Variants in NAV3 observed in about 807,000 individuals in gnomAD.
NAV3 encodes the protein pore membrane and/or filament interacting like protein 1.
NAV3 carries 87 observed loss-of-function variants against 244.7 expected under a neutral mutation model. That is an observed-to-expected ratio of 0.36 (90% CI 0.30 to 0.42). The LOEUF (loss-of-function observed/expected upper bound fraction) is 0.42, where lower values mean the gene tolerates loss of function less well. Ranked by LOEUF, NAV3 falls within the 20% of genes least tolerant of loss-of-function variation. NAV3 has a pLI of 1.00. For missense variants in NAV3, 2,663 were observed against 2,893.3 expected (o/e 0.92, Z 1.83); for synonymous variants, 1,126 against 1,042.2 (o/e 1.08, Z -1.55).
At chr12:77,645,547 A>AC (rs1202067845) in intron 2 of NAV3, among the ~76,000 whole-genome samples, 14 of 151,264 alleles carry the variant, frequency 9.3e-5, no homozygotes, top group Non-Finnish European at 1.8e-4. Context: ...AAAAAAAAAA[A>AC]AAAAAAAAAA....
chr12:77,845,631 T>G (rs1276873060), intron 1 of NAV3, among the ~76,000 whole-genome samples: 2 of 151,842 alleles, frequency 1.3e-5, no homozygotes, highest in Admixed American at 6.6e-5. Flanking sequence ...ATATTTTCAT[T>G]AAGTTTGATT....
chr12:77,736,722 A>G (rs1311152513), intron 2 of NAV3, among the ~76,000 whole-genome samples: 1 of 152,234 alleles, frequency 6.6e-6, no homozygotes, highest in Non-Finnish European at 1.5e-5. Context: ...TCACTGGAGG[A>G]TGCCAAAGAA....
At chr12:78,086,555 T>C (rs183617347) in intron 12 of NAV3, among the ~76,000 whole-genome samples, 1 of 152,196 alleles carries the variant, frequency 6.6e-6, no homozygotes, top group Admixed American at 6.5e-5. Flanking sequence ...TATGAGAGTC[T>C]TGTTGGACAA....
chr12:78,038,772 G>A (rs1020672612), intron 9 of NAV3, among the ~76,000 whole-genome samples: 39 of 152,140 alleles, frequency 2.6e-4, no homozygotes, highest in Admixed American at 3.3e-4. Flanking sequence ...TGTAGAATCA[G>A]ATAATATTCC....
In NAV3 at chr12:77,639,938, G is replaced by T. The variant is rs1872331471; in HGVS notation, c.72+67672G>T. On this transcript the variant is annotated intron_variant, in intron 2 of 8. Transcript: ENST00000550042. ...CATTCAGCCTGAGCTGTCAAAAGGG[G>T]GGCACTAGTTTTAGAGAAGAGTTTA... Among the ~76,000 whole-genome samples the T allele has an allele frequency of 2.6e-5, 4 of 152,240 alleles. No homozygotes were observed. In the South Asian group the frequency reaches 8.3e-4, roughly 32 times the overall value.
chr12:78,119,442 T>C lies in NAV3; in HGVS notation c.3246T>C (p.Ser1082=), dbSNP rs1955569753. 4 of 1,614,168 alleles carry C rather than the reference T, an allele frequency of 2.5e-6. No individual in the cohort carries two copies. Among genetic ancestry groups the C allele is most frequent in the Non-Finnish European group, 3.4e-6 (4 of 1,180,022 alleles). Residue 1082 remains serine (S), a synonymous_variant, in exon 15 of 40, where the codon AGT becomes AGC. Transcript: ENST00000397909. ...GVGSSAMITS[S]GATITSGSAT... Reference sequence around the variant, plus strand: ...GGTCATCTGCCATGATCACCAGCAGTGGAGCAACCATAACAAGTGGCTCTG... The same window carrying C: ...GGTCATCTGCCATGATCACCAGCAGCGGAGCAACCATAACAAGTGGCTCTG...
intron 12 of NAV3, among the ~76,000 whole-genome samples, chr12:78,109,345 A>C (rs992827582): frequency 6.6e-6 from 1 of 152,152 alleles, no homozygotes; most frequent in South Asian, 2.1e-4. Flanking sequence ...CTTTGGACCA[A>C]ATAGCATCAC....
intron 5 of NAV3, among the ~76,000 whole-genome samples, chr12:77,983,105 G>T (rs1869862024): frequency 6.6e-6 from 1 of 152,192 alleles, no homozygotes; most frequent in Admixed American, 6.5e-5. Context: ...TGTGGAAGTT[G>T]TGAACTCTAT....
chr12:78,061,470 A>G (rs1413793465), intron 12 of NAV3, among the ~76,000 whole-genome samples: 3 of 152,172 alleles, frequency 2.0e-5, no homozygotes, highest in Non-Finnish European at 4.4e-5. Context: ...TGAGAATTAT[A>G]TAAGTCATTT....
At chr12:78,138,780 A>G (rs978796316) in intron 19 of NAV3, among the ~76,000 whole-genome samples, 1 of 152,222 alleles carries the variant, frequency 6.6e-6, no homozygotes, top group Non-Finnish European at 1.5e-5. Context: ...CCTTCAATGT[A>G]TCAGGATTAA....
chr12:77,780,218 G>A (rs1468255728), intron 2 of NAV3, among the ~76,000 whole-genome samples: 1 of 152,050 alleles, frequency 6.6e-6, no homozygotes, highest in Non-Finnish European at 1.5e-5. Context: ...ACTCTCCCTG[G>A]TCTTAATCAA....
intron 1 of NAV3, among the ~76,000 whole-genome samples, chr12:77,920,656 A>G (rs548120441): frequency 7.2e-5 from 11 of 152,180 alleles, no homozygotes; most frequent in Non-Finnish European, 1.6e-4. Flanking sequence ...TTTAGGTACA[A>G]TACTCAAACA....
chr12:77,995,762 A>G (rs1227205688), intron 6 of NAV3, among the ~76,000 whole-genome samples: 2 of 152,172 alleles, frequency 1.3e-5, no homozygotes, highest in African/African-American at 4.8e-5. Context: ...CAAATTTTAA[A>G]AGGTATTTAA....
intron 29 of NAV3, 23 bp downstream of exon 29, chr12:78,179,705 G>T: frequency 1.3e-6 from 2 of 1,582,730 alleles, no homozygotes; most frequent in Admixed American, 1.9e-5. Flanking sequence ...GCACTTTCAA[G>T]GAATAAAATG....
intron 34 of NAV3, among the ~76,000 whole-genome samples, chr12:78,191,510 A>G (rs898845461): frequency 1.3e-5 from 2 of 152,176 alleles, no homozygotes; most frequent in Admixed American, 6.6e-5. Flanking sequence ...TTCAAAAACA[A>G]CGATGTACAT....
At chr12:77,651,565 C>A (rs943301490) in intron 2 of NAV3, among the ~76,000 whole-genome samples, 3 of 152,148 alleles carry the variant, frequency 2.0e-5, no homozygotes, top group African/African-American at 7.2e-5. Flanking sequence ...GTGCTTGCCT[C>A]TGCCCTTAAC....
At chr12:78,206,854 C>CTTTTTTTTTT (rs10594185) in intron 39 of NAV3, among the ~76,000 whole-genome samples, 20 of 114,816 alleles carry the variant, frequency 1.7e-4, no homozygotes, top group Non-Finnish European at 2.5e-4. Flanking sequence ...TTCTTTCTTA[C>CTTTTTTTTTT]TTTTTTTTTT....
In NAV3 at chr12:77,634,723, A is replaced by G. The variant is rs11106054; in HGVS notation, c.72+62457A>G. On this transcript the variant is annotated intron_variant, in intron 2 of 8. Coordinates refer to the NAV3 transcript ENST00000550042. Reference sequence around the variant, plus strand: ...GTTCTATGTTCTAGTCTTATGTATTAAAAAAATTCAGTGGTAATTTTTTTA... The same window carrying G: ...GTTCTATGTTCTAGTCTTATGTATTGAAAAAATTCAGTGGTAATTTTTTTA... 1.1e-4 allele frequency among the ~76,000 whole-genome samples: 16 copies of G among 152,252 alleles called. No homozygotes were observed. In the East Asian group the frequency reaches 2.9e-3, roughly 28 times the overall value.
intron 2 of NAV3, among the ~76,000 whole-genome samples, chr12:77,704,966 C>G (rs769875733): frequency 6.6e-6 from 1 of 152,096 alleles, no homozygotes; most frequent in Non-Finnish European, 1.5e-5. Context: ...TTTAGAAACT[C>G]TGTGTTATAG....
Sources: gnomAD v4.1 joint callset for allele counts (sites outside exome capture counted in the v4.1 genomes callset) on GRCh38, gnomAD v4.1.1 for gene constraint, MANE v1.5 for transcripts, NCBI Gene and HGNC (gene_info 2026-07-23, HGNC 2026-07-21) for gene names.